NOS1AP: variants seen among roughly 807,000 people sequenced by gnomAD.
The protein encoded by NOS1AP is nitric oxide synthase 1 adaptor protein.
Under a neutral mutation model 56.2 loss-of-function variants are expected in NOS1AP, and 21 were observed. The observed-to-expected ratio is 0.37, with a 90% confidence interval of 0.26 to 0.54. The LOEUF is 0.54. Ranked by LOEUF, NOS1AP falls within the 20% of genes least tolerant of loss-of-function variation. NOS1AP has a pLI of 0.84. For missense variants in NOS1AP, 522 were observed against 657.8 expected (o/e 0.79, Z 2.26); for synonymous variants, 270 against 274.6 (o/e 0.98, Z 0.17).
At chr1:162,257,072 A>C (rs1654053394) in intron 2 of NOS1AP, among the ~76,000 whole-genome samples, 2 of 152,166 alleles carry the variant, frequency 1.3e-5, no homozygotes, top group Admixed American at 1.3e-4. Context: ...GCTACATTGG[A>C]GGGGAGATAA....
chr1:162,336,155 T>A (rs1412174319), intron 5 of NOS1AP, among the ~76,000 whole-genome samples: 2 of 152,218 alleles, frequency 1.3e-5, no homozygotes, highest in Non-Finnish European at 2.9e-5. Flanking sequence ...ATATCTAACC[T>A]GTTTTGATTA....
At chr1:162,159,244 T>C (rs1469577595) in intron 2 of NOS1AP, among the ~76,000 whole-genome samples, 1 of 152,146 alleles carries the variant, frequency 6.6e-6, no homozygotes, top group Non-Finnish European at 1.5e-5. Context: ...CAATGAGGAA[T>C]AATGAGAGCC....
chr1:162,285,872 G>T (rs563421540), intron 2 of NOS1AP, among the ~76,000 whole-genome samples: 1 of 152,256 alleles, frequency 6.6e-6, no homozygotes, highest in Admixed American at 6.5e-5. Context: ...AATGATGTAG[G>T]TTGCTGTCAC....
intron 2 of NOS1AP, among the ~76,000 whole-genome samples, chr1:162,181,810 G>C (rs547206863): frequency 4.6e-5 from 7 of 152,262 alleles, no homozygotes; most frequent in African/African-American, 1.7e-4. Context: ...AAAGATTTTT[G>C]TTCAGTACTC....
At chr1:162,298,987 A>G (rs1359865521) in intron 3 of NOS1AP, among the ~76,000 whole-genome samples, 3 of 152,242 alleles carry the variant, frequency 2.0e-5, no homozygotes, top group African/African-American at 7.2e-5. Context: ...ACGGCTATAG[A>G]TGTGACTTAA....
intron 2 of NOS1AP, among the ~76,000 whole-genome samples, chr1:162,202,318 T>C (rs1652021352): frequency 6.6e-6 from 1 of 152,202 alleles, no homozygotes; most frequent in Admixed American, 6.5e-5. Context: ...ACCTGTAATA[T>C]CCCTTTTCAG....
rs139571920 is a variant in NOS1AP, at chr1:162,228,059, G to T, written c.178-59285G>T. ...AATGAAAAATATAGGACTGAGGCAG[G>T]GAGCAAGTAATGAAGTCAACAGTCG... On this transcript the variant is annotated intron_variant, in intron 2 of 9. Transcript: ENST00000361897. Among the ~76,000 whole-genome samples, 398 of 152,282 alleles carry T rather than the reference G, an allele frequency of 2.6e-3. 2 individuals are homozygous for T. The highest frequency in any genetic ancestry group is 8.9e-3 in the African/African-American group (371 of 41,558).
At chr1:162,121,157 G>T (rs959249666) in intron 1 of NOS1AP, among the ~76,000 whole-genome samples, 6 of 148,036 alleles carry the variant, frequency 4.1e-5, no homozygotes, top group Non-Finnish European at 7.4e-5. Flanking sequence ...GACTTGGAGA[G>T]AATTTTTTTT....
chr1:162,213,875 C>T (rs1017537441), intron 2 of NOS1AP, among the ~76,000 whole-genome samples: 1 of 152,224 alleles, frequency 6.6e-6, no homozygotes, highest in African/African-American at 2.4e-5. Context: ...CTCATTTCTC[C>T]TATAAATTAA....
At chr1:162,216,621 A>G (rs775962334) in intron 2 of NOS1AP, among the ~76,000 whole-genome samples, 30 of 152,248 alleles carry the variant, frequency 2.0e-4, no homozygotes, top group Non-Finnish European at 7.3e-5. Flanking sequence ...TGTCCTGTCA[A>G]CATCACATGT....
At chr1:162,191,016 G>C (rs1022661919) in intron 2 of NOS1AP, among the ~76,000 whole-genome samples, 1 of 152,034 alleles carries the variant, frequency 6.6e-6, no homozygotes, top group East Asian at 1.9e-4. Context: ...GCTCCCTATC[G>C]TGTTACTTTT....
chr1:162,117,092 T>G (rs1647992082), intron 1 of NOS1AP, among the ~76,000 whole-genome samples: 1 of 152,200 alleles, frequency 6.6e-6, no homozygotes, highest in Non-Finnish European at 1.5e-5. Context: ...AGAATGGAGT[T>G]AAAAGTGCCC....
intron 2 of NOS1AP, among the ~76,000 whole-genome samples, chr1:162,156,301 T>G (rs1368019007): frequency 6.6e-6 from 1 of 152,138 alleles, no homozygotes; most frequent in Non-Finnish European, 1.5e-5. Flanking sequence ...TTTTCTAGAT[T>G]AAACTGAGGC....
intron 2 of NOS1AP, among the ~76,000 whole-genome samples, chr1:162,161,360 T>A (rs150132161): frequency 4.6e-5 from 7 of 152,346 alleles, no homozygotes; most frequent in African/African-American, 1.7e-4. Context: ...CACCCCCTAC[T>A]GAGGTACTCC....
intron 1 of NOS1AP, among the ~76,000 whole-genome samples, chr1:162,088,942 G>A (rs952158280): frequency 5.9e-5 from 9 of 152,144 alleles, no homozygotes; most frequent in African/African-American, 2.2e-4. Context: ...TGGTATCAGG[G>A]ATTTTCTCTC....
At chr1:162,180,365 C>A (rs541217928) in intron 2 of NOS1AP, among the ~76,000 whole-genome samples, 15 of 152,294 alleles carry the variant, frequency 9.8e-5, no homozygotes, top group African/African-American at 3.1e-4. Flanking sequence ...CTGCCTCAGC[C>A]TTCTGAGTAG....
intron 1 of NOS1AP, among the ~76,000 whole-genome samples, chr1:162,135,269 C>A (rs894217795): frequency 1.3e-5 from 2 of 152,110 alleles, no homozygotes; most frequent in African/African-American, 4.8e-5. Context: ...GTATTGGTTG[C>A]CGGCTGATGG....
intron 2 of NOS1AP, among the ~76,000 whole-genome samples, chr1:162,264,019 A>G (rs981781167): frequency 3.3e-5 from 5 of 152,170 alleles, no homozygotes; most frequent in Non-Finnish European, 5.9e-5. Context: ...CAACTGGACT[A>G]TTACAGTAGC....
chr1:162,287,444 G>T lies in NOS1AP; in HGVS notation c.270+8G>T. The T allele has an allele frequency of 1.3e-6, 2 of 1,588,472 alleles. No homozygotes were observed. The highest frequency in any genetic ancestry group is 1.7e-6 in the Non-Finnish European group (2 of 1,156,576). On this transcript the variant is annotated splice_region_variant and intron_variant, in intron 3 of 9. Coordinates refer to ENST00000361897, the MANE Select transcript of NOS1AP (RefSeq NM_014697.3). ...CTGAAGAAGAAGAAAAAGGTAAGTG[G>T]CTCTGAACCAGAATCTGAGGTGAAG...
Sources: allele counts gnomAD v4.1 joint callset (sites outside exome capture counted in the v4.1 genomes callset), GRCh38; gene constraint gnomAD v4.1.1; transcripts MANE v1.5; gene names NCBI Gene and HGNC (gene_info 2026-07-23, HGNC 2026-07-21).